The following KHDRBS2 variants were observed in gnomAD, a reference collection of about 807,000 sequenced individuals.
KHDRBS2 encodes the protein KH domain-containing, RNA-binding, signal transduction-associated protein 2.
KHDRBS2 carries 26 observed loss-of-function variants against 44.3 expected under a neutral mutation model. That is an observed-to-expected ratio of 0.59 (90% confidence interval 0.43 to 0.81). The LOEUF is 0.81. KHDRBS2 is among the 40% of genes least tolerant of loss of function. The probability of loss-of-function intolerance (pLI) is 0.00; values close to 1 mark genes in which losing one functional copy is unlikely to be tolerated. For missense variants in KHDRBS2, 476 were observed against 433.1 expected (o/e 1.10, Z -0.88); for synonymous variants, 194 against 151.1 (o/e 1.28, Z -2.08).
chr6:62,223,018 A>T (rs1831156161), intron 1 of KHDRBS2, among the ~76,000 whole-genome samples: 1 of 152,118 alleles, frequency 6.6e-6, no homozygotes, highest in Admixed American at 6.6e-5. Flanking sequence ...CCCTCTTCTC[A>T]CAGCTCCACT....
intron 3 of KHDRBS2, among the ~76,000 whole-genome samples, chr6:61,982,670 C>CAAA (rs1264177227): frequency 1.1e-4 from 7 of 66,008 alleles, no homozygotes; most frequent in African/African-American, 2.7e-4. Context: ...AACTCTGTCT[C>CAAA]AAAAAAAAAA....
At chr6:61,616,073 T>G in the KHDRBS2 span, among the ~76,000 whole-genome samples, 3 of 152,146 alleles carry the variant, frequency 2.0e-5, no homozygotes, top group African/African-American at 7.2e-5. Context: ...CAGATTATAG[T>G]TCTGTATCAA....
the KHDRBS2 span, among the ~76,000 whole-genome samples, chr6:61,563,980 T>C: frequency 1.3e-5 from 2 of 152,100 alleles, no homozygotes; most frequent in Non-Finnish European, 2.9e-5. Flanking sequence ...TTAGTGCCAG[T>C]AGTCCATCTT....
intron 6 of KHDRBS2, among the ~76,000 whole-genome samples, chr6:61,865,861 A>G (rs1797708946): frequency 6.6e-6 from 1 of 152,164 alleles, no homozygotes; most frequent in African/African-American, 2.4e-5. Context: ...AAGCTCCAAA[A>G]TGATCTCCTT....
intron 2 of KHDRBS2, among the ~76,000 whole-genome samples, chr6:62,142,393 T>A (rs1429958797): frequency 6.6e-6 from 1 of 152,112 alleles, no homozygotes; most frequent in Non-Finnish European, 1.5e-5. Flanking sequence ...CAACCTTCCA[T>A]CTCTCGGATA....
At chr6:62,228,956 C>T (rs946567714) in intron 1 of KHDRBS2, among the ~76,000 whole-genome samples, 2 of 152,092 alleles carry the variant, frequency 1.3e-5, no homozygotes, top group African/African-American at 4.8e-5. Flanking sequence ...ATCTGACAAC[C>T]CTGTTGGAGG....
At chr6:61,790,069 G>A (rs1784400909) in intron 6 of KHDRBS2, among the ~76,000 whole-genome samples, 1 of 151,358 alleles carries the variant, frequency 6.6e-6, no homozygotes, top group Non-Finnish European at 1.5e-5. Flanking sequence ...ATAACCCCCT[G>A]TAAAATCAAA....
At chr6:62,044,496 G>GA (rs983547699) in intron 3 of KHDRBS2, among the ~76,000 whole-genome samples, 23 of 148,054 alleles carry the variant, frequency 1.6e-4, no homozygotes, top group African/African-American at 4.5e-4. Flanking sequence ...GACACTGTCA[G>GA]AAAAAAAAAG....
intron 4 of KHDRBS2, among the ~76,000 whole-genome samples, chr6:61,954,659 CAT>C (rs1224837450): frequency 9.0e-6 from 1 of 111,602 alleles, no homozygotes; most frequent in Non-Finnish European, 1.9e-5. Flanking sequence ...TGTATACATA[CAT>C]ATGTGTATAT....
intron 6 of KHDRBS2, among the ~76,000 whole-genome samples, chr6:61,850,838 G>A (rs1183716700): frequency 1.3e-5 from 2 of 152,096 alleles, no homozygotes; most frequent in African/African-American, 2.4e-5. Flanking sequence ...AGGACAACAC[G>A]AGGCCTTTAG....
At chr6:61,891,186 C>A (rs1266953004) in intron 6 of KHDRBS2, among the ~76,000 whole-genome samples, 3 of 151,984 alleles carry the variant, frequency 2.0e-5, no homozygotes, top group Admixed American at 6.6e-5. Context: ...GAAACAAATA[C>A]CTAGATCAGG....
chr6:61,763,010 T>A (rs961577691), intron 6 of KHDRBS2, among the ~76,000 whole-genome samples: 3 of 152,216 alleles, frequency 2.0e-5, no homozygotes, highest in Non-Finnish European at 1.5e-5. Context: ...TCACTCCCTG[T>A]TCTGCCTTTG....
At chr6:61,727,656 T>C (rs1185781581) in intron 7 of KHDRBS2, among the ~76,000 whole-genome samples, 1 of 152,116 alleles carries the variant, frequency 6.6e-6, no homozygotes, top group Non-Finnish European at 1.5e-5. Context: ...AAAGAATACA[T>C]ATATGTGACT....
chr6:61,731,598 T>C (rs558847317), intron 7 of KHDRBS2, among the ~76,000 whole-genome samples: 1 of 152,244 alleles, frequency 6.6e-6, no homozygotes, highest in South Asian at 2.1e-4. Context: ...AGTTGTTTTC[T>C]TCTTTGCCAC....
At chr6:61,757,973 C>A (rs765862498) in intron 6 of KHDRBS2, among the ~76,000 whole-genome samples, 1 of 152,088 alleles carries the variant, frequency 6.6e-6, no homozygotes. Context: ...TTATTTATTC[C>A]CATACAGGTA....
intron 6 of KHDRBS2, among the ~76,000 whole-genome samples, chr6:61,749,843 G>T (rs1159731082): frequency 2.6e-5 from 4 of 152,010 alleles, no homozygotes; most frequent in Admixed American, 2.6e-4. Context: ...ACATTTTAAA[G>T]AATTAACAAA....
chr6:61,607,776 C>T, the KHDRBS2 span, among the ~76,000 whole-genome samples: 1 of 152,124 alleles, frequency 6.6e-6, no homozygotes, highest in Non-Finnish European at 1.5e-5. Flanking sequence ...CAACCTCCAC[C>T]TCCTGGGCTC....
intron 6 of KHDRBS2, among the ~76,000 whole-genome samples, chr6:61,849,311 A>G (rs1404712165): frequency 6.6e-6 from 1 of 152,082 alleles, no homozygotes; most frequent in Admixed American, 6.6e-5. Flanking sequence ...GGTTCCTGTG[A>G]TATTTGTCTG....
intron 2 of KHDRBS2, among the ~76,000 whole-genome samples, chr6:62,070,679 T>C (rs1373343130): frequency 6.6e-6 from 1 of 152,228 alleles, no homozygotes; most frequent in Admixed American, 6.5e-5. Flanking sequence ...TCATCATTTT[T>C]TATGGCTGCA....
Sources: allele counts gnomAD v4.1 joint callset (sites outside exome capture counted in the v4.1 genomes callset), GRCh38; gene constraint gnomAD v4.1.1; transcripts MANE v1.5; gene names NCBI Gene and HGNC (gene_info 2026-07-23, HGNC 2026-07-21).